Variants in MVB12B observed in about 807,000 individuals in gnomAD.
The protein encoded by MVB12B is multivesicular body subunit 12B.
MVB12B carries 16 observed loss-of-function variants against 41.6 expected under a neutral mutation model. The ratio of observed to expected loss-of-function variants is 0.38; its 90% CI spans 0.26 to 0.58. The LOEUF (loss-of-function observed/expected upper bound fraction) is 0.58, where lower values mean the gene tolerates loss of function less well. Among genes scored for constraint, MVB12B ranks in the 20% least tolerant of loss-of-function variants. MVB12B has a pLI of 0.62. For synonymous variants in MVB12B, 133 were observed against 139.7 expected, an observed-to-expected ratio of 0.95 and a Z score of 0.34; for missense variants, 274 against 380.2, an observed-to-expected ratio of 0.72 and a Z score of 2.32.
chr9:126,498,109 C>T (rs1252525452), intron 9 of MVB12B, among the ~76,000 whole-genome samples: 2 of 152,208 alleles, frequency 1.3e-5, no homozygotes, highest in Admixed American at 1.3e-4. Flanking sequence ...TTTCAGAAGC[C>T]AGGGCTGCAT....
At chr9:126,494,095 G>GT (rs375776657) in intron 9 of MVB12B, among the ~76,000 whole-genome samples, 95 of 149,036 alleles carry the variant, frequency 6.4e-4, no homozygotes, top group South Asian at 1.7e-3. Context: ...TATAGACATT[G>GT]TTTTTTTTTT....
At position 126,459,442 on chromosome 9, in the gene MVB12B, C is replaced by T. The variant is rs1315311535; in HGVS notation, c.758-21927C>T. The stretch of plus-strand genomic sequence containing the variant: ...CTGCCCCTAGCATGGTTAGTCCTTC[C>T]GGGTAATGGAGAGTCCTGTTGCTTC... On this transcript the variant is annotated intron_variant, in intron 7 of 9. Coordinates refer to ENST00000361171, the MANE Select transcript of MVB12B (RefSeq NM_033446.3). This position sits in a 1 kb window ranked among gnomAD's most constrained non-coding sequence, Gnocchi z 4.3. Among the ~76,000 whole-genome samples the T allele has an allele frequency of 3.3e-5, 5 of 152,186 alleles. No individual in the cohort carries two copies. The highest frequency in any genetic ancestry group is 4.1e-4 in the South Asian group (2 of 4,832).
intron 9 of MVB12B, among the ~76,000 whole-genome samples, chr9:126,489,186 A>G (rs1483000721): frequency 6.6e-6 from 1 of 152,228 alleles, no homozygotes; most frequent in African/African-American, 2.4e-5. Context: ...CGGTGTCTGC[A>G]GGGACCCTCA....
intron 2 of MVB12B, among the ~76,000 whole-genome samples, chr9:126,353,876 A>G (rs1249690960): frequency 6.6e-6 from 1 of 152,208 alleles, no homozygotes; most frequent in Non-Finnish European, 1.5e-5. Flanking sequence ...GTGCTGGTGG[A>G]TCAAAGGATG....
At chr9:126,452,561 C>T (rs933933100) in intron 7 of MVB12B, among the ~76,000 whole-genome samples, 6 of 152,314 alleles carry the variant, frequency 3.9e-5, no homozygotes, top group Admixed American at 3.9e-4. Context: ...TTGGTTCTAT[C>T]CCAAATGTTG....
intron 7 of MVB12B, among the ~76,000 whole-genome samples, chr9:126,455,276 C>T (rs2119167036): frequency 6.6e-6 from 1 of 151,582 alleles, no homozygotes; most frequent in South Asian, 2.1e-4. Context: ...CCACCTCCGC[C>T]TCCCGGGTTC....
At chr9:126,380,506 C>T (rs1383673047) in intron 2 of MVB12B, among the ~76,000 whole-genome samples, 2 of 152,178 alleles carry the variant, frequency 1.3e-5, no homozygotes, top group East Asian at 3.9e-4. Context: ...TCCAGTTTCT[C>T]ACCTTGAACC....
At chr9:126,401,440 G>A (rs756478034) in intron 6 of MVB12B, among the ~76,000 whole-genome samples, 1 of 152,238 alleles carries the variant, frequency 6.6e-6, no homozygotes, top group Non-Finnish European at 1.5e-5. Context: ...ATCTGTGACA[G>A]ATACTCTGGG....
intron 6 of MVB12B, 82 bp from the exon 7 acceptor site, chr9:126,421,772 C>A: frequency 9.6e-7 from 1 of 1,043,310 alleles, no homozygotes; most frequent in Non-Finnish European, 1.5e-6. Context: ...TGCTGCATTT[C>A]AGCTGTTGAT....
At chr9:126,408,681 C>A (rs1434684157) in intron 6 of MVB12B, among the ~76,000 whole-genome samples, 2 of 152,078 alleles carry the variant, frequency 1.3e-5, no homozygotes, top group African/African-American at 2.4e-5. Flanking sequence ...GTGGTCCAGT[C>A]CCATGTGTGC....
At chr9:126,447,830 G>T (rs1832812776) in intron 7 of MVB12B, among the ~76,000 whole-genome samples, 1 of 152,112 alleles carries the variant, frequency 6.6e-6, no homozygotes. Flanking sequence ...GTTTTATTTT[G>T]TATGTTCCTA....
At chr9:126,356,008 T>G (rs1042873204) in intron 2 of MVB12B, among the ~76,000 whole-genome samples, 2 of 152,218 alleles carry the variant, frequency 1.3e-5, no homozygotes, top group African/African-American at 2.4e-5. Context: ...GTTTGCCTAT[T>G]CTGGATATTC....
At chr9:126,416,667 C>G (rs1030359781) in intron 6 of MVB12B, among the ~76,000 whole-genome samples, 2 of 152,160 alleles carry the variant, frequency 1.3e-5, no homozygotes, top group African/African-American at 4.8e-5. Flanking sequence ...CATGGACTGA[C>G]CTCTTCATTA....
chr9:126,406,737 T>C (rs1429822138), intron 6 of MVB12B, among the ~76,000 whole-genome samples: 1 of 152,232 alleles, frequency 6.6e-6, no homozygotes, highest in Non-Finnish European at 1.5e-5. Flanking sequence ...GTTTTGGCAT[T>C]GCAAGGTTCA....
chr9:126,451,928 CTGAT>C (rs375517491), intron 7 of MVB12B, among the ~76,000 whole-genome samples: 24 of 152,260 alleles, frequency 1.6e-4, no homozygotes, highest in African/African-American at 5.3e-4. Flanking sequence ...TGCAGGTTGT[CTGAT>C]TGAGGACACC....
chr9:126,340,997 G>A lies in MVB12B; in HGVS notation c.204+367G>A, dbSNP rs4837065. ...AAATATTGTAAAGGCATTGTCCTAC[G>A]TCTGTGTAGCTCTTTACAGTTTAAA... is the stretch of plus-strand genomic sequence containing the variant. On this transcript the variant is annotated intron_variant, in intron 2 of 9. Coordinates refer to ENST00000361171, the MANE Select transcript of MVB12B (RefSeq NM_033446.3). The surrounding 1 kb of genome is among the most constrained non-coding windows in gnomAD (Gnocchi z 4.0). Among the ~76,000 whole-genome samples the A allele has an allele frequency of 0.011, 1,629 of 152,336 alleles. 51 individuals carry two copies. The highest frequency in any genetic ancestry group is 0.066 in the East Asian group (340 of 5,174).
chr9:126,335,036 C>T (rs1172401070), intron 1 of MVB12B, among the ~76,000 whole-genome samples: 2 of 151,994 alleles, frequency 1.3e-5, no homozygotes, highest in African/African-American at 4.8e-5. Flanking sequence ...CACGTGCATA[C>T]ACTGGATTCT....
At chr9:126,463,896 A>C (rs1340544821) in intron 7 of MVB12B, among the ~76,000 whole-genome samples, 3 of 152,224 alleles carry the variant, frequency 2.0e-5, no homozygotes, top group Non-Finnish European at 4.4e-5. Flanking sequence ...CAGTTTGTGC[A>C]GTACTCAAGC....
intron 1 of MVB12B, among the ~76,000 whole-genome samples, chr9:126,330,283 T>C (rs557701): frequency 1 from 151,407 of 152,100 alleles, 75,364 homozygotes; most frequent in Middle Eastern, 1. Context: ...GGAGTCAACA[T>C]GAGTTTGTTC....
Sources: allele counts gnomAD v4.1 joint callset (sites outside exome capture counted in the v4.1 genomes callset), GRCh38; gene constraint gnomAD v4.1.1; non-coding constraint Gnocchi (gnomAD v3.1); transcripts MANE v1.5; gene names NCBI Gene and HGNC (gene_info 2026-07-23, HGNC 2026-07-21).